Variants in ZNF236 observed in about 807,000 individuals in gnomAD.
The protein encoded by ZNF236 is zinc finger protein 236, also known as regulated by glucose.
In ZNF236, 50 loss-of-function variants were observed where a neutral mutation model predicts 191.2. The ratio of observed to expected loss-of-function variants is 0.26; its 90% confidence interval spans 0.21 to 0.33. The LOEUF (loss-of-function observed/expected upper bound fraction) is 0.33, where lower values mean the gene tolerates loss of function less well. ZNF236 is among the 10% of genes least tolerant of loss of function. The pLI is 1.00. For synonymous variants in ZNF236, 907 were observed against 928.8 expected (o/e 0.98, Z 0.43); for missense variants, 1,754 against 2,374.5 (o/e 0.74, Z 5.43).
Position 76,968,306 on chromosome 18 carries a change from C to T in ZNF236, c.5511C>T (p.Ala1837=), listed in dbSNP as rs568303257. ...LHLEEVVQEA[A]GEWQALTHVF The stretch of plus-strand genomic sequence containing the variant: ...TGGAGGAGGTGGTGCAGGAGGCCGC[C>T]GGCGAGTGGCAGGCCCTCACCCACG... Residue 1837 remains alanine (A), a synonymous_variant, in exon 31 of 31, where the codon GCC becomes GCT. Coordinates refer to ENST00000320610, the MANE Select transcript of ZNF236 (RefSeq NM_001306089.2). 49 of 1,608,630 alleles carry T rather than the reference C, an allele frequency of 3.0e-5. 1 individual carries two copies. In the East Asian group the frequency reaches 8.9e-4, roughly 29 times the overall value.
intron 27 of ZNF236, among the ~76,000 whole-genome samples, chr18:76,950,816 G>A (rs966359622): frequency 2.6e-5 from 4 of 152,104 alleles, no homozygotes; most frequent in Admixed American, 2.0e-4. Context: ...TATCTATGTC[G>A]GCTACAGCCT....
At chr18:76,942,582 G>A (rs1046540348) in intron 26 of ZNF236, among the ~76,000 whole-genome samples, 2 of 151,336 alleles carry the variant, frequency 1.3e-5, no homozygotes, top group African/African-American at 4.8e-5. Flanking sequence ...CACGATCTCC[G>A]CTCAGTGCAA....
chr18:76,958,255 T>C (rs1462276201), intron 28 of ZNF236, among the ~76,000 whole-genome samples: 1 of 152,240 alleles, frequency 6.6e-6, no homozygotes, highest in African/African-American at 2.4e-5. Context: ...CATTTGCCAT[T>C]GTCTCAGAGA....
At chr18:76,959,231 C>A (rs755399063) in intron 28 of ZNF236, among the ~76,000 whole-genome samples, 5 of 152,190 alleles carry the variant, frequency 3.3e-5, no homozygotes, top group Non-Finnish European at 7.4e-5. Flanking sequence ...CGGGTCCCAG[C>A]TGGGTGCCGC....
chr18:76,823,911 T>C (rs1599301807), intron 1 of ZNF236, among the ~76,000 whole-genome samples: 1 of 152,196 alleles, frequency 6.6e-6, no homozygotes. Context: ...GCCTGGTCCC[T>C]GGTCCTGGTC....
At chr18:76,895,404 A>G in intron 10 of ZNF236, 119 bp downstream of exon 10, 2 of 1,374,870 alleles carry the variant, frequency 1.5e-6, no homozygotes, top group Non-Finnish European at 2.0e-6. Context: ...GCACACAAGT[A>G]CTGCTCACAG....
intron 1 of ZNF236, chr18:76,824,446 T>A (rs757087356): frequency 1.3e-6 from 1 of 781,058 alleles, no homozygotes; most frequent in South Asian, 1.3e-5. Context: ...GTGCTCAGAA[T>A]TTTGATTAAT....
At chr18:76,878,594 C>T (rs568898192) in intron 7 of ZNF236, among the ~76,000 whole-genome samples, 147 of 151,028 alleles carry the variant, frequency 9.7e-4, no homozygotes, top group African/African-American at 3.5e-3. Flanking sequence ...AATACATATG[C>T]CTACACACAG....
intron 14 of ZNF236, among the ~76,000 whole-genome samples, chr18:76,908,942 GGT>G (rs1057266422): frequency 6.8e-6 from 1 of 145,996 alleles, no homozygotes; most frequent in Non-Finnish European, 1.5e-5. Context: ...AATATGCAGG[GGT>G]GTGTGTGTAT....
chr18:76,899,951 TC>T (rs777038272), intron 11 of ZNF236, among the ~76,000 whole-genome samples: 6 of 152,216 alleles, frequency 3.9e-5, no homozygotes, highest in Non-Finnish European at 8.8e-5. Context: ...TCTCTCTTCC[TC>T]ATAGATAGTG....
intron 5 of ZNF236, among the ~76,000 whole-genome samples, chr18:76,873,668 G>A (rs1449652034): frequency 1.3e-5 from 2 of 152,194 alleles, no homozygotes; most frequent in Non-Finnish European, 2.9e-5. Context: ...GATTGTGTAT[G>A]CCCCAGCAGG....
At chr18:76,868,543 A>G (rs1976486395) in intron 3 of ZNF236, 142 bp from the exon 4 acceptor site, 1 of 566,560 alleles carries the variant, frequency 1.8e-6, no homozygotes, top group African/African-American at 1.9e-5. Flanking sequence ...CTTGTTCCAG[A>G]GGAAAGTATT....
chr18:76,957,127 C>A (rs1158791989), intron 28 of ZNF236, among the ~76,000 whole-genome samples: 1 of 151,770 alleles, frequency 6.6e-6, no homozygotes. Flanking sequence ...ATGGCTGGAC[C>A]CTTGGGGTTC....
chr18:76,871,622 T>G, intron 4 of ZNF236, 79 bp from the exon 5 acceptor site: 1 of 1,579,740 alleles, frequency 6.3e-7, no homozygotes, highest in Non-Finnish European at 8.6e-7. Flanking sequence ...AGCCAAATTT[T>G]CTGGTAGGAT....
chr18:76,944,063 A>T (rs2122904499), intron 26 of ZNF236, among the ~76,000 whole-genome samples: 1 of 152,348 alleles, frequency 6.6e-6, no homozygotes, highest in South Asian at 2.1e-4. Flanking sequence ...ATTTTACAGC[A>T]TTTCCCAGAT....
intron 11 of ZNF236, among the ~76,000 whole-genome samples, chr18:76,902,852 A>C (rs1425184082): frequency 6.6e-6 from 1 of 152,078 alleles, no homozygotes; most frequent in East Asian, 1.9e-4. Context: ...TGGCCTCCCA[A>C]AGTGCTGGGA....
intron 5 of ZNF236, among the ~76,000 whole-genome samples, chr18:76,872,394 G>A (rs1490088165): frequency 6.6e-6 from 1 of 152,224 alleles, no homozygotes; most frequent in African/African-American, 2.4e-5. Flanking sequence ...GAGCCTGAGA[G>A]TTTGAGGCTG....
chr18:76,909,009 G>A (rs1352599595), intron 14 of ZNF236, among the ~76,000 whole-genome samples: 1 of 144,568 alleles, frequency 6.9e-6, no homozygotes, highest in East Asian at 2.0e-4. Flanking sequence ...GTGTGTGTTT[G>A]GTATGCGTAT....
At chr18:76,884,893 T>C (rs1977004295) in intron 9 of ZNF236, 1 of 152,202 alleles carries the variant, frequency 6.6e-6, no homozygotes, top group African/African-American at 2.4e-5. Flanking sequence ...CCTTTCTCCT[T>C]CTCCGTGGGG....
Sources: gnomAD v4.1 joint callset for allele counts (sites outside exome capture counted in the v4.1 genomes callset) on GRCh38, gnomAD v4.1.1 for gene constraint, MANE v1.5 for transcripts, NCBI Gene and HGNC (gene_info 2026-07-23, HGNC 2026-07-21) for gene names.